CDYL2: variants seen among roughly 807,000 people sequenced by gnomAD.
CDYL2 encodes chromodomain Y-like protein 2.
CDYL2 carries 23 observed loss-of-function variants against 49.4 expected under a neutral mutation model. The ratio of observed to expected loss-of-function variants is 0.47; its 90% CI spans 0.34 to 0.66. The LOEUF (loss-of-function observed/expected upper bound fraction) is 0.66. CDYL2 is among the 30% of genes least tolerant of loss of function. CDYL2 has a pLI of 0.01. For missense variants in CDYL2, 678 were observed against 656.4 expected, an observed-to-expected ratio of 1.03 and a Z score of -0.36; for synonymous variants, 360 against 268.8, an observed-to-expected ratio of 1.34 and a Z score of -3.32.
At chr16:80,705,555 T>G (rs1320444145) in intron 1 of CDYL2, among the ~76,000 whole-genome samples, 4 of 152,280 alleles carry the variant, frequency 2.6e-5, no homozygotes, top group African/African-American at 9.6e-5. Context: ...CTGTTCTTCC[T>G]ATTCCAACAA....
chr16:80,782,028 G>T (rs1025119542), intron 1 of CDYL2, among the ~76,000 whole-genome samples: 1 of 151,612 alleles, frequency 6.6e-6, no homozygotes, highest in African/African-American at 2.4e-5. Context: ...CTTGTAGAAA[G>T]AAGTAAATAA....
chr16:80,615,516 TAA>T (rs1567541161), intron 4 of CDYL2, among the ~76,000 whole-genome samples: 1 of 151,868 alleles, frequency 6.6e-6, no homozygotes, highest in East Asian at 1.9e-4. Flanking sequence ...ACGTTTTTAA[TAA>T]AAGAGGGTCC....
intron 2 of CDYL2, among the ~76,000 whole-genome samples, chr16:80,653,334 G>T (rs1019055364): frequency 1.3e-5 from 2 of 152,110 alleles, no homozygotes; most frequent in African/African-American, 4.8e-5. Context: ...GCATGGTGGT[G>T]CATGCCTGTA....
At chr16:80,702,218 A>AC (rs397797316) in intron 1 of CDYL2, among the ~76,000 whole-genome samples, 1 of 151,612 alleles carries the variant, frequency 6.6e-6, no homozygotes, top group Non-Finnish European at 1.5e-5. Flanking sequence ...ACACACACAC[A>AC]AAACTATAAA....
At chr16:80,764,331 T>C (rs924583279) in intron 1 of CDYL2, among the ~76,000 whole-genome samples, 1 of 152,148 alleles carries the variant, frequency 6.6e-6, no homozygotes, top group Non-Finnish European at 1.5e-5. Context: ...AAGACTGTTC[T>C]GAGAGACAGA....
At chr16:80,766,267 A>G (rs1042612497) in intron 1 of CDYL2, among the ~76,000 whole-genome samples, 2 of 152,134 alleles carry the variant, frequency 1.3e-5, no homozygotes, top group Non-Finnish European at 1.5e-5. Flanking sequence ...TCACATCTCA[A>G]TACAACTTTT....
Position 80,684,755 on chromosome 16 carries a change from C to G in CDYL2, c.399G>C (p.Lys133Asn), listed in dbSNP as rs562488396. The part of the protein sequence containing the change: ...KPSSGGDRAT[K>N]TVSYRTTPSG... Reference sequence around the variant, plus strand: ...TGGGGGTAGTCCTGTAAGACACCGTCTTGGTGGCCCTGTCACCTCCTGAAG... The same window carrying G: ...TGGGGGTAGTCCTGTAAGACACCGTGTTGGTGGCCCTGTCACCTCCTGAAG... The change falls in exon 2 of 7, where the codon AAG becomes AAC. Residue 133 changes from lysine (K) to asparagine (N), a missense_variant. Transcript: ENST00000570137. The G allele has an allele frequency of 3.7e-6, 6 of 1,614,210 alleles. No individual in the cohort carries two copies. The East Asian group carries it at 1.3e-4, about 36-fold the overall frequency.
intron 2 of CDYL2, among the ~76,000 whole-genome samples, chr16:80,657,187 TAAC>T (rs1324147199): frequency 6.6e-6 from 1 of 152,124 alleles, no homozygotes. Flanking sequence ...AAAATTAAAT[TAAC>T]ATCATGAAAC....
intron 2 of CDYL2, among the ~76,000 whole-genome samples, chr16:80,680,340 G>C (rs1160226035): frequency 1.3e-5 from 2 of 152,160 alleles, no homozygotes; most frequent in Non-Finnish European, 2.9e-5. Flanking sequence ...TGTGGACATG[G>C]GGCCACAAGA....
intron 3 of CDYL2, among the ~76,000 whole-genome samples, chr16:80,629,319 A>C (rs1055945173): frequency 6.6e-6 from 1 of 152,250 alleles, no homozygotes; most frequent in African/African-American, 2.4e-5. Flanking sequence ...AAAATAGCCT[A>C]GTAGTGGACT....
chr16:80,719,648 A>G (rs1904932510), intron 1 of CDYL2, among the ~76,000 whole-genome samples: 1 of 152,226 alleles, frequency 6.6e-6, no homozygotes, highest in Non-Finnish European at 1.5e-5. Flanking sequence ...GTTGCCCAGG[A>G]GAAAACAAGG....
chr16:80,799,075 T>A (rs527715220), intron 1 of CDYL2, among the ~76,000 whole-genome samples: 1 of 152,048 alleles, frequency 6.6e-6, no homozygotes, highest in East Asian at 1.9e-4. Context: ...TTACAAAGAA[T>A]ATGTACCCAG....
intron 2 of CDYL2, among the ~76,000 whole-genome samples, chr16:80,636,443 T>C (rs1352281361): frequency 1.3e-5 from 2 of 151,946 alleles, no homozygotes; most frequent in African/African-American, 2.4e-5. Context: ...AGCCAACAAA[T>C]ACATGAAAAA....
rs143096628 is a variant in CDYL2 at position 80,603,970 on chromosome 16, C to A, written c.*418G>T. On this transcript the variant is annotated 3_prime_UTR_variant, in exon 7 of 7. Transcript: ENST00000570137. ...CTAAGATTGGTCGTCCTCTGACACC[C>A]GATCTAAATACAACCAGAGAGAGCC... The A allele has an allele frequency of 5.4e-3, 935 of 171,728 alleles. 10 individuals are homozygous for A. Among genetic ancestry groups the A allele is most frequent in the African/African-American group, 0.02 (864 of 42,220 alleles). 10.6% of individuals were successfully genotyped at this position (171,728 alleles called of 1,614,324 possible).
At chr16:80,721,353 G>A (rs1002796150) in intron 1 of CDYL2, among the ~76,000 whole-genome samples, 1 of 152,182 alleles carries the variant, frequency 6.6e-6, no homozygotes, top group Non-Finnish European at 1.5e-5. Context: ...CTGAAGTCAT[G>A]TAGCAAACAC....
At chr16:80,630,575 C>G (rs1025928038) in intron 3 of CDYL2, among the ~76,000 whole-genome samples, 1 of 152,098 alleles carries the variant, frequency 6.6e-6, no homozygotes, top group African/African-American at 2.4e-5. Context: ...GGACTGCAGG[C>G]TCTGGGCTTC....
intron 2 of CDYL2, among the ~76,000 whole-genome samples, chr16:80,644,414 C>T (rs998062361): frequency 2.6e-5 from 4 of 152,206 alleles, no homozygotes; most frequent in African/African-American, 9.7e-5. Context: ...TTACCCAGTT[C>T]CAAAGTCACT....
intron 2 of CDYL2, among the ~76,000 whole-genome samples, chr16:80,646,367 G>A (rs1337190866): frequency 5.3e-5 from 8 of 152,124 alleles, no homozygotes; most frequent in African/African-American, 1.4e-4. Flanking sequence ...AAGAAAGAAG[G>A]AAAAGAAGTG....
chr16:80,801,757 CT>C (rs1907933757), intron 1 of CDYL2, among the ~76,000 whole-genome samples: 1 of 152,152 alleles, frequency 6.6e-6, no homozygotes, highest in Non-Finnish European at 1.5e-5. Context: ...CAATATGCTA[CT>C]TTTTACCCAC....
Sources: gnomAD v4.1 joint callset for allele counts (sites outside exome capture counted in the v4.1 genomes callset) on GRCh38, gnomAD v4.1.1 for gene constraint, MANE v1.5 for transcripts, NCBI Gene and HGNC (gene_info 2026-07-23, HGNC 2026-07-21) for gene names.